The following GABRA3 variants were observed in gnomAD, a reference collection of about 807,000 sequenced individuals.
GABRA3 encodes the protein gamma-aminobutyric acid type A receptor subunit alpha3.
GABRA3 carries 10 observed loss-of-function variants against 30.1 expected under a neutral mutation model. The ratio of observed to expected loss-of-function variants is 0.33; its 90% confidence interval spans 0.20 to 0.56. GABRA3 has a LOEUF of 0.56. Ranked by LOEUF, GABRA3 falls within the 20% of genes least tolerant of loss-of-function variation. The pLI, the probability that GABRA3 is intolerant of heterozygous loss-of-function variation, is 0.89. For missense variants in GABRA3, 233 were observed against 392.0 expected (o/e 0.59, Z 3.42); for synonymous variants, 151 against 146.8 (o/e 1.03, Z -0.21).
chrX:152,259,967 G>A (rs1938700908), intron 4 of GABRA3, among the ~76,000 whole-genome samples: 1 of 110,737 alleles, frequency 9.0e-6, no homozygotes, highest in Admixed American at 9.7e-5. Context: ...TTGGTTCCTG[G>A]ACAGCATTTC....
At chrX:152,364,157 A>G (rs1928586289) in intron 2 of GABRA3, among the ~76,000 whole-genome samples, 1 of 111,520 alleles carries the variant, frequency 9.0e-6, no homozygotes, top group African/African-American at 3.3e-5. Context: ...AAGATCTAAG[A>G]GAGGAGAGAT....
At chrX:152,448,168 T>G (rs778356823) in intron 1 of GABRA3, among the ~76,000 whole-genome samples, 1 of 112,218 alleles carries the variant, frequency 8.9e-6, no homozygotes, top group South Asian at 3.7e-4. Flanking sequence ...AGTACTCTAC[T>G]AGAGCTTTGC....
At chrX:152,219,594 T>C (rs72614780) in intron 6 of GABRA3, among the ~76,000 whole-genome samples, 4,268 of 111,305 alleles carry the variant, frequency 0.038, 245 homozygotes, top group East Asian at 0.32. Flanking sequence ...CAGGAAACAC[T>C]GTCACACTGA....
intron 3 of GABRA3, among the ~76,000 whole-genome samples, chrX:152,319,366 G>A (rs1168328668): frequency 1.8e-5 from 2 of 111,874 alleles, no homozygotes; most frequent in African/African-American, 3.2e-5. Context: ...CATGGTACTG[G>A]TATAAAAATA....
chrX:152,274,041 T>C (rs1938997028), intron 4 of GABRA3, among the ~76,000 whole-genome samples: 1 of 110,943 alleles, frequency 9.0e-6, no homozygotes, highest in African/African-American at 3.3e-5. Flanking sequence ...TGTAGGAAAA[T>C]CATAAAGGTA....
intron 6 of GABRA3, among the ~76,000 whole-genome samples, chrX:152,212,012 AGT>A (rs1184431054): frequency 9.1e-6 from 1 of 109,964 alleles, no homozygotes; most frequent in Non-Finnish European, 1.9e-5. Flanking sequence ...GTCTGGGTGC[AGT>A]GGCTTATGTT....
At chrX:152,419,147 G>C (rs192891210) in intron 1 of GABRA3, among the ~76,000 whole-genome samples, 1 of 110,051 alleles carries the variant, frequency 9.1e-6, no homozygotes, top group Non-Finnish European at 1.9e-5. Context: ...GTTGTGGGGT[G>C]GGGGGTGCGG....
At chrX:152,190,069 T>TA in intron 8 of GABRA3, 128 bp from the exon 9 acceptor site, 2 of 466,425 alleles carry the variant, frequency 4.3e-6, no homozygotes, top group Non-Finnish European at 7.0e-6. Flanking sequence ...TAAAATAAAA[T>TA]AAAATTTTAA....
At chrX:152,285,910 C>T (rs1177573472) in intron 3 of GABRA3, among the ~76,000 whole-genome samples, 1 of 106,026 alleles carries the variant, frequency 9.4e-6, no homozygotes, top group African/African-American at 3.4e-5. Flanking sequence ...GTATTAAGTA[C>T]TATATAGTAC....
At chrX:152,443,975 G>C (rs914844194) in intron 1 of GABRA3, among the ~76,000 whole-genome samples, 3 of 111,030 alleles carry the variant, frequency 2.7e-5, no homozygotes, top group Non-Finnish European at 3.8e-5. Flanking sequence ...TATAAGATGT[G>C]ATCCCGATTA....
chrX:152,221,439 CTA>C (rs1195842336), intron 6 of GABRA3, among the ~76,000 whole-genome samples: 4 of 111,876 alleles, frequency 3.6e-5, no homozygotes, highest in Admixed American at 9.5e-5. Flanking sequence ...CAAAATACCT[CTA>C]GATATCTGAT....
chrX:152,412,178 C>T (rs912503034), intron 1 of GABRA3, among the ~76,000 whole-genome samples: 8 of 111,543 alleles, frequency 7.2e-5, no homozygotes, highest in African/African-American at 2.6e-4. Context: ...AGCAAGTGTT[C>T]ATAAAGATAT....
At chrX:152,379,048 G>A (rs1045670945) in intron 1 of GABRA3, among the ~76,000 whole-genome samples, 2 of 111,269 alleles carry the variant, frequency 1.8e-5, no homozygotes, top group Admixed American at 9.6e-5. Flanking sequence ...AGAAATTAAC[G>A]TATTAGAGAG....
At chrX:152,225,114 C>G (rs183097026) in intron 5 of GABRA3, among the ~76,000 whole-genome samples, 14 of 107,407 alleles carry the variant, frequency 1.3e-4, no homozygotes, top group Admixed American at 7.1e-4. Flanking sequence ...TCTGCCCTAA[C>G]TGTACTTCCT....
At chrX:152,353,722 A>C (rs1940511090) in intron 2 of GABRA3, among the ~76,000 whole-genome samples, 1 of 111,787 alleles carries the variant, frequency 8.9e-6, no homozygotes, top group African/African-American at 3.3e-5. Context: ...GCTGGCCATC[A>C]GCTCAAAGAC....
At chrX:152,333,029 A>G (rs1020284646) in intron 3 of GABRA3, among the ~76,000 whole-genome samples, 1 of 111,959 alleles carries the variant, frequency 8.9e-6, no homozygotes, top group African/African-American at 3.2e-5. Flanking sequence ...CATTTGGATA[A>G]GAACTGTGAG....
intron 8 of GABRA3, among the ~76,000 whole-genome samples, chrX:152,194,840 G>C (rs6653470): frequency 0.21 from 23,572 of 110,268 alleles, 1,873 homozygotes; most frequent in Admixed American, 0.27. Flanking sequence ...GCTCATGGCA[G>C]CCTCAACCTC....
At chrX:152,373,571 G>A (rs988354313) in intron 1 of GABRA3, among the ~76,000 whole-genome samples, 2 of 111,223 alleles carry the variant, frequency 1.8e-5, no homozygotes, top group African/African-American at 6.5e-5. Flanking sequence ...TTTAATAATC[G>A]CCATTCTGAC....
chrX:152,307,906 C>T (rs1939743638), intron 3 of GABRA3, among the ~76,000 whole-genome samples: 1 of 112,327 alleles, frequency 8.9e-6, no homozygotes, highest in Non-Finnish European at 1.9e-5. Flanking sequence ...AGGGACAGGA[C>T]TTCTGCCTTT....
Sources: allele counts gnomAD v4.1 joint callset (sites outside exome capture counted in the v4.1 genomes callset), GRCh38; gene constraint gnomAD v4.1.1; transcripts MANE v1.5; gene names NCBI Gene and HGNC (gene_info 2026-07-23, HGNC 2026-07-21).